MDH2: variants seen among roughly 807,000 people sequenced by gnomAD.
MDH2 encodes the protein malate dehydrogenase 2, also known as malate dehydrogenase, mitochondrial.
MDH2 carries 25 observed loss-of-function variants against 33.6 expected under a neutral mutation model. That is an observed-to-expected ratio of 0.74 (90% CI 0.54 to 1.04). The LOEUF is 1.04. MDH2 is among the 50% of genes least tolerant of loss of function. The pLI is 0.00. For synonymous variants in MDH2, 193 were observed against 188.7 expected (o/e 1.02, Z -0.19); for missense variants, 432 against 445.0 (o/e 0.97, Z 0.26).
rs1554587925 is a variant in MDH2, at chr7:76,066,447, A to C, written c.*37A>C. 6.3e-7 allele frequency: 1 copy of C among 1,590,596 alleles called. No individual in the cohort carries two copies. The highest frequency in any genetic ancestry group is 1.1e-5 in the South Asian group (1 of 87,246). ...GGGTGGCCAGTTTCCTTAATTTATG[A>C]AGGCATCATGTCACTGCAAAGCCGT... On this transcript the variant is annotated 3_prime_UTR_variant, in exon 9 of 9. Coordinates refer to ENST00000315758, the MANE Select transcript of MDH2 (RefSeq NM_005918.4).
In MDH2 at chr7:76,064,929, C is replaced by T; in HGVS notation, c.861C>T (p.Tyr287=). 1.2e-6 allele frequency: 2 copies of T among 1,614,196 alleles called. No individual in the cohort carries two copies. Among genetic ancestry groups the T allele is most frequent in the East Asian group, 2.2e-5 (1 of 44,870 alleles). ...AGTCACAGGAAACGGAATGTACCTACTTCTCCACACCGCTGCTGCTTGGGG... is the reference window on the plus strand; with the variant it reads ...AGTCACAGGAAACGGAATGTACCTATTTCTCCACACCGCTGCTGCTTGGGG... ...FVKSQETECT[Y]FSTPLLLGKK... Residue 287 remains tyrosine, a synonymous_variant, in exon 8 of 9, where the codon TAC becomes TAT. Transcript: ENST00000315758.
At chr7:76,062,579 C>G (rs2116693423) in intron 5 of MDH2, among the ~76,000 whole-genome samples, 1 of 152,348 alleles carries the variant, frequency 6.6e-6, no homozygotes, top group Admixed American at 6.5e-5. Context: ...TGGCTGTTCC[C>G]TCGCTACCAT....
chr7:76,057,496 T>A lies in MDH2; in HGVS notation c.319+3T>A. ...GGCTGGAGTCCCCAGAAAGCCAGGT[T>A]TGTGTTTGAAAGCCTTGTCTGGTAC... On this transcript the variant is annotated splice_donor_region_variant and intron_variant, in intron 3 of 8. Coordinates refer to ENST00000315758, the MANE Select transcript of MDH2 (RefSeq NM_005918.4). The A allele has an allele frequency of 1.2e-6, 2 of 1,614,028 alleles. No homozygotes were observed. Among genetic ancestry groups the A allele is most frequent in the Non-Finnish European group, 1.7e-6 (2 of 1,179,992 alleles).
chr7:76,051,057 G>T (rs78626012), intron 1 of MDH2, among the ~76,000 whole-genome samples: 3 of 151,574 alleles, frequency 2.0e-5, no homozygotes, highest in Admixed American at 1.3e-4. Flanking sequence ...ATTTTTTTTT[G>T]TATTTTCAGT....
At chr7:76,054,593 T>G in intron 1 of MDH2, 1 of 506,002 alleles carries the variant, frequency 2.0e-6, no homozygotes, top group Admixed American at 3.8e-5. Flanking sequence ...TTCAGGAGGG[T>G]TTTGAAGTAC....
intron 1 of MDH2, among the ~76,000 whole-genome samples, chr7:76,050,367 C>T (rs927157076): frequency 3.9e-5 from 6 of 152,166 alleles, no homozygotes; most frequent in Non-Finnish European, 2.9e-5. Context: ...GTAGGCCTCA[C>T]GCAGAGTGAG....
rs574256155 is a variant in MDH2 at position 76,063,539 on chromosome 7, G to T, written c.580G>T (p.Val194Phe). 1 of 1,614,212 alleles carries T rather than the reference G, an allele frequency of 6.2e-7. No individual in the cohort carries two copies. Among genetic ancestry groups the T allele is most frequent in the Non-Finnish European group, 8.5e-7 (1 of 1,180,040 alleles). ...GGGTTTGGATCCAGCTCGAGTCAAC[G>T]TCCCTGTCATTGGTGGCCATGCTGG... ...LKGLDPARVNVPVIGGHAGKT... is the reference protein window; with the variant it reads ...LKGLDPARVNFPVIGGHAGKT... The change falls in exon 6 of 9, where the codon GTC (valine) becomes TTC (phenylalanine). Residue 194 changes from valine to phenylalanine, a missense_variant. Transcript: ENST00000315758.
intron 1 of MDH2, among the ~76,000 whole-genome samples, chr7:76,052,386 G>T (rs71560500): frequency 1.4e-5 from 2 of 143,088 alleles, no homozygotes; most frequent in African/African-American, 5.4e-5. Flanking sequence ...AGCCAAGATC[G>T]CACCACTGCA....
intron 1 of MDH2, chr7:76,048,563 T>G (rs1797418124): frequency 1.5e-6 from 2 of 1,315,018 alleles, no homozygotes; most frequent in Admixed American, 3.8e-5. Context: ...TAAACTTACG[T>G]TTTTTTCTGC....
intron 1 of MDH2, 182 bp downstream of exon 1, chr7:76,048,408 A>C: frequency 8.7e-7 from 1 of 1,150,494 alleles, no homozygotes; most frequent in Non-Finnish European, 1.2e-6. Flanking sequence ...GCGGGGGAGA[A>C]AGCCGGGGAA....
At chr7:76,058,750 G>C (rs1386301712) in intron 4 of MDH2, among the ~76,000 whole-genome samples, 3 of 152,050 alleles carry the variant, frequency 2.0e-5, no homozygotes, top group Non-Finnish European at 4.4e-5. Context: ...CACTACTCTT[G>C]CGCTTTGGGG....
chr7:76,062,911 C>G (rs1340931218), intron 5 of MDH2, among the ~76,000 whole-genome samples: 1 of 152,128 alleles, frequency 6.6e-6, no homozygotes, highest in Non-Finnish European at 1.5e-5. Flanking sequence ...AAAAATAAAA[C>G]AAAAACCTGG....
At chr7:76,049,188 A>G (rs1271353201) in intron 1 of MDH2, 3 of 838,974 alleles carry the variant, frequency 3.6e-6, no homozygotes, top group Non-Finnish European at 2.9e-6. Context: ...TCCTGGATTG[A>G]TGGCTACTTC....
rs1035822644 is a variant in MDH2, at chr7:76,048,130, C to T, written c.-31C>T. 5 of 1,536,228 alleles carry T rather than the reference C, an allele frequency of 3.3e-6. No individual in the cohort carries two copies. Among genetic ancestry groups the T allele is most frequent in the Non-Finnish European group, 4.4e-6 (5 of 1,146,322 alleles). On this transcript the variant is annotated 5_prime_UTR_variant, in exon 1 of 9. Coordinates refer to ENST00000315758, the MANE Select transcript of MDH2 (RefSeq NM_005918.4). ...CACTTCCCCGTCACCAGCTCCTGTG[C>T]CTGCCAGTCGGTGCCCCTCCCGCTC...
chr7:76,061,125 C>T (rs955485473), intron 5 of MDH2, among the ~76,000 whole-genome samples: 33 of 152,130 alleles, frequency 2.2e-4, no homozygotes, highest in Admixed American at 9.2e-4. Flanking sequence ...GTCCTTAGTG[C>T]TTTGCACAGC....
intron 2 of MDH2, among the ~76,000 whole-genome samples, chr7:76,056,874 G>A (rs912349086): frequency 3.9e-5 from 6 of 152,058 alleles, no homozygotes; most frequent in African/African-American, 1.4e-4. Flanking sequence ...TTAGCCAAAT[G>A]TGGTGGACCA....
In MDH2 at chr7:76,049,088, G is replaced by A. The variant is rs564069858; in HGVS notation, c.66+862G>A. On this transcript the variant is annotated intron_variant, in intron 1 of 8. Coordinates refer to ENST00000315758, the MANE Select transcript of MDH2 (RefSeq NM_005918.4). ...GCCTTTTAATTACGACGCCCAAGAG[G>A]GAGGTAATTTTAAAGGGGAATCCAA... 1.7e-4 allele frequency: 167 copies of A among 984,918 alleles called. No individual in the cohort carries two copies. The African/African-American group carries it at 2.8e-3, about 16-fold the overall frequency. 61.0% of individuals were successfully genotyped at this position (984,918 alleles called of 1,614,324 possible).
intron 4 of MDH2, among the ~76,000 whole-genome samples, chr7:76,058,993 G>C (rs1028933416): frequency 1.3e-5 from 2 of 152,234 alleles, no homozygotes; most frequent in Non-Finnish European, 2.9e-5. Context: ...GCCCAGGCCA[G>C]TGTGCAGTGG....
Position 76,057,969 on chromosome 7 carries a change from G to T in MDH2, c.320G>T (p.Gly107Val), listed in dbSNP as rs1554586501. 6.2e-7 allele frequency: 1 copy of T among 1,613,782 alleles called. No individual in the cohort carries two copies. The highest frequency in any genetic ancestry group is 1.7e-5 in the Admixed American group (1 of 60,018). Residue 107 changes from glycine (G) to valine (V), a missense_variant and splice_region_variant, in exon 4 of 9, where the codon GGC becomes GTC. Coordinates refer to ENST00000315758, the MANE Select transcript of MDH2 (RefSeq NM_005918.4). Reference protein sequence around the residue: ...VIPAGVPRKPGMTRDDLFNTN... With the variant: ...VIPAGVPRKPVMTRDDLFNTN... Reference sequence around the variant, plus strand: ...ACATCTCATATTGGATCATTTCCAGGCATGACCCGGGACGACCTGTTCAAC... The same window carrying T: ...ACATCTCATATTGGATCATTTCCAGTCATGACCCGGGACGACCTGTTCAAC...
Sources: allele counts gnomAD v4.1 joint callset (sites outside exome capture counted in the v4.1 genomes callset), GRCh38; gene constraint gnomAD v4.1.1; transcripts MANE v1.5; gene names NCBI Gene and HGNC (gene_info 2026-07-23, HGNC 2026-07-21).